PDZD2: variants seen among roughly 807,000 people sequenced by gnomAD.
The protein encoded by PDZD2 is PDZ domain containing 2.
Under a neutral mutation model 220.7 loss-of-function variants are expected in PDZD2, and 90 were observed. The ratio of observed to expected loss-of-function variants is 0.41; its 90% confidence interval spans 0.34 to 0.49. The LOEUF is 0.49. Among genes scored for constraint, PDZD2 ranks in the 20% least tolerant of loss-of-function variants. PDZD2 has a pLI of 0.28. For synonymous variants in PDZD2, 1,375 were observed against 1,450.5 expected (o/e 0.95, Z 1.18); for missense variants, 3,174 against 3,608.5 (o/e 0.88, Z 3.08).
At chr5:31,842,858 T>G (rs1379625655) in intron 2 of PDZD2, among the ~76,000 whole-genome samples, 1 of 152,092 alleles carries the variant, frequency 6.6e-6, no homozygotes, top group African/African-American at 2.4e-5. Context: ...ACCACCCATG[T>G]TTTTTGTTGT....
chr5:31,703,590 T>A (rs1162675974), intron 1 of PDZD2, among the ~76,000 whole-genome samples: 1 of 152,102 alleles, frequency 6.6e-6, no homozygotes, highest in Non-Finnish European at 1.5e-5. Flanking sequence ...TGCATGCCGA[T>A]GTAATAAACC....
intron 2 of PDZD2, among the ~76,000 whole-genome samples, chr5:31,908,081 TCAAAAAAAAAA>T (rs1742824398): frequency 3.6e-5 from 1 of 27,706 alleles, no homozygotes; most frequent in African/African-American, 2.6e-4. Flanking sequence ...AGGCTCCGTC[TCAAAAAAAAAA>T]AAAAAAAAAA....
intron 18 of PDZD2, among the ~76,000 whole-genome samples, chr5:32,076,775 T>C (rs1741343886): frequency 1.3e-5 from 2 of 152,260 alleles, no homozygotes. Flanking sequence ...TACTAATAAA[T>C]AGAAAATTAA....
At position 31,961,886 on chromosome 5, in the gene PDZD2, G is replaced by T. The variant is rs183082041; in HGVS notation, c.477-21269G>T. Among the ~76,000 whole-genome samples, 32 of 151,974 alleles carry T rather than the reference G, an allele frequency of 2.1e-4. No individual in the cohort carries two copies. In the East Asian group the frequency reaches 5.7e-3, roughly 27 times the overall value. On this transcript the variant is annotated intron_variant, in intron 2 of 24. Coordinates refer to ENST00000438447, the MANE Select transcript of PDZD2 (RefSeq NM_178140.4). ...CCCACCTTGGCCTCCCAGATTCTGGGATTACAGGCAGGAACCACCAAGCCT... is the reference window on the plus strand; with the variant it reads ...CCCACCTTGGCCTCCCAGATTCTGGTATTACAGGCAGGAACCACCAAGCCT...
At chr5:32,097,230 A>AT in intron 21 of PDZD2, 49 bp from the exon 22 acceptor site, 1 of 1,229,878 alleles carries the variant, frequency 8.1e-7, no homozygotes, top group Non-Finnish European at 1.2e-6. Context: ...TTCTTTCTTA[A>AT]TTTTTTGCAG....
At chr5:31,841,266 A>G (rs1757285551) in intron 2 of PDZD2, among the ~76,000 whole-genome samples, 1 of 152,186 alleles carries the variant, frequency 6.6e-6, no homozygotes, top group South Asian at 2.1e-4. Flanking sequence ...TGGGCTACAC[A>G]CATCTGTGGG....
intron 2 of PDZD2, chr5:31,822,922 G>C (rs1755973027): frequency 1.1e-6 from 1 of 931,340 alleles, no homozygotes; most frequent in South Asian, 1.3e-5. Context: ...ACTACAAATA[G>C]TCTGAACGGT....
intron 2 of PDZD2, among the ~76,000 whole-genome samples, chr5:31,836,007 G>A: frequency 6.6e-6 from 1 of 152,164 alleles, no homozygotes; most frequent in East Asian, 1.9e-4. Flanking sequence ...GAATGTCCAT[G>A]ATTGTCCACC....
rs1279275537 is a variant in PDZD2, at chr5:32,061,108, G to C, written c.2425G>C (p.Val809Leu). The change falls in exon 14 of 25, where the codon GTC (valine) becomes CTC (leucine). Residue 809 changes from valine (V) to leucine (L), a missense_variant. Transcript: ENST00000438447. ...SKCPPGPVRL[V>L]IGRHPNPKVS... Reference sequence around the variant, plus strand: ...ATGCCCTCCAGGACCCGTTCGCCTTGTCATCGGCCGGCACCCTAATCCAAA... The same window carrying C: ...ATGCCCTCCAGGACCCGTTCGCCTTCTCATCGGCCGGCACCCTAATCCAAA... 11 of 1,614,154 alleles carry C rather than the reference G, an allele frequency of 6.8e-6. No homozygotes were observed. Among genetic ancestry groups the C allele is most frequent in the Non-Finnish European group, 6.8e-6 (8 of 1,180,030 alleles).
intron 1 of PDZD2, among the ~76,000 whole-genome samples, chr5:31,749,094 G>A (rs1282811161): frequency 6.6e-6 from 1 of 151,902 alleles, no homozygotes; most frequent in African/African-American, 2.4e-5. Flanking sequence ...CATGGGGGGG[G>A]GCCTTAATTT....
intron 1 of PDZD2, among the ~76,000 whole-genome samples, chr5:31,701,833 T>C (rs575039459): frequency 1.3e-5 from 2 of 152,360 alleles, no homozygotes; most frequent in South Asian, 4.1e-4. Flanking sequence ...GTCCGTAAGT[T>C]AATTAGCAAG....
chr5:31,897,972 C>T (rs1741726395), intron 2 of PDZD2, among the ~76,000 whole-genome samples: 1 of 152,124 alleles, frequency 6.6e-6, no homozygotes, highest in Admixed American at 6.5e-5. Context: ...AACTCCTGAC[C>T]TCAGGTGATC....
At chr5:31,976,301 G>A (rs559832969) in intron 2 of PDZD2, among the ~76,000 whole-genome samples, 6 of 152,252 alleles carry the variant, frequency 3.9e-5, no homozygotes, top group African/African-American at 1.4e-4. Flanking sequence ...TAGATTTACA[G>A]CATCAGACAG....
At chr5:31,658,865 C>T (rs1349214716) in intron 1 of PDZD2, among the ~76,000 whole-genome samples, 1 of 152,062 alleles carries the variant, frequency 6.6e-6, no homozygotes, top group Non-Finnish European at 1.5e-5. Flanking sequence ...GTGATCCGCC[C>T]GCCTCATCAT....
chr5:32,057,241 A>G (rs1030446333), intron 10 of PDZD2, among the ~76,000 whole-genome samples: 9 of 152,222 alleles, frequency 5.9e-5, no homozygotes, highest in Non-Finnish European at 1.2e-4. Context: ...TTGTCTTTCT[A>G]CAAATATAGG....
chr5:32,090,636 C>T lies in PDZD2; in HGVS notation c.7188C>T (p.Ser2396=), dbSNP rs148395232. Residue 2396 remains serine, a synonymous_variant, in exon 20 of 25, where the codon AGC becomes AGT. Coordinates refer to ENST00000438447, the MANE Select transcript of PDZD2 (RefSeq NM_178140.4). The surrounding 1 kb of genome is among the most constrained non-coding windows in gnomAD (Gnocchi z 4.3). ...GDAAARLLRR[S]LSSCSENQSE... is the part of the protein sequence containing the mutation. Reference sequence around the variant, plus strand: ...CAGCAGCAAGGTTGTTGAGACGCAGCTTGAGTTCCTGCAGCGAAAACCAAA... The same window carrying T: ...CAGCAGCAAGGTTGTTGAGACGCAGTTTGAGTTCCTGCAGCGAAAACCAAA... 1.7e-5 allele frequency: 27 copies of T among 1,614,128 alleles called. No homozygotes were observed. In the African/African-American group the frequency reaches 2.5e-4, roughly 15 times the overall value.
chr5:32,100,865 A>G (rs769849806), intron 23 of PDZD2: 7 of 1,560,188 alleles, frequency 4.5e-6, no homozygotes, highest in Non-Finnish European at 6.1e-6. Context: ...CTTGCAGAAA[A>G]CACAGAACAA....
chr5:31,755,904 C>T (rs1751280306), intron 1 of PDZD2, among the ~76,000 whole-genome samples: 2 of 152,014 alleles, frequency 1.3e-5, no homozygotes, highest in Non-Finnish European at 1.5e-5. Context: ...AAGAGTTAGA[C>T]GTGGCCTTGG....
chr5:31,711,980 A>G, intron 1 of PDZD2: 1 of 152,710 alleles, frequency 6.5e-6, no homozygotes. Context: ...GAGAAATTGT[A>G]CATGTCAGCT....
Sources: gnomAD v4.1 joint callset for allele counts (sites outside exome capture counted in the v4.1 genomes callset) on GRCh38, gnomAD v4.1.1 for gene constraint, Gnocchi (gnomAD v3.1) non-coding constraint, MANE v1.5 for transcripts, NCBI Gene and HGNC (gene_info 2026-07-23, HGNC 2026-07-21) for gene names.